The following ZBTB24 variants were observed in gnomAD, a reference collection of about 807,000 sequenced individuals.
ZBTB24 encodes the protein zinc finger and BTB domain-containing protein 24.
ZBTB24 carries 32 observed loss-of-function variants against 53.8 expected under a neutral mutation model. That is an observed-to-expected ratio of 0.60 (90% CI 0.45 to 0.80). ZBTB24 has a LOEUF of 0.80. Among genes scored for constraint, ZBTB24 ranks in the 30% least tolerant of loss-of-function variants. The pLI is 0.00. For synonymous variants in ZBTB24, 297 were observed against 306.7 expected (o/e 0.97, Z 0.33); for missense variants, 722 against 837.1 (o/e 0.86, Z 1.70).
rs911116965 is a variant in ZBTB24 at position 109,465,426 on chromosome 6, G to A, written c.*425C>T. On this transcript the variant is annotated 3_prime_UTR_variant, in exon 7 of 7. Coordinates refer to ENST00000230122, the MANE Select transcript of ZBTB24 (RefSeq NM_014797.3). ...CAACTGTGTTGCCTAAGAAAAATAAGAAAATAGAACAAACCATTCTGCCCA... is the reference window on the plus strand; with the variant it reads ...CAACTGTGTTGCCTAAGAAAAATAAAAAAATAGAACAAACCATTCTGCCCA... 5.5e-6 allele frequency: 3 copies of A among 549,682 alleles called. No homozygotes were observed. The highest frequency in any genetic ancestry group is 9.6e-6 in the Non-Finnish European group (3 of 312,572). 34.1% of individuals were successfully genotyped at this position (549,682 alleles called of 1,614,324 possible).
rs759148236 is a variant in ZBTB24, at chr6:109,481,281, C to T, written c.746G>A (p.Ser249Asn). 1 of 1,614,246 alleles carries T rather than the reference C, an allele frequency of 6.2e-7. No homozygotes were observed. Among genetic ancestry groups the T allele is most frequent in the Non-Finnish European group, 8.5e-7 (1 of 1,180,044 alleles). Residue 249 changes from serine to asparagine, a missense_variant, in exon 2 of 7, where the codon AGC (serine) becomes AAC (asparagine). Physicochemically the swap from Ser to Asn is conservative, Grantham distance 46. Transcript: ENST00000230122. ...YDPKTEDGQASQSRYSKRRIW... is the reference protein window; with the variant it reads ...YDPKTEDGQANQSRYSKRRIW... Reference sequence around the variant, plus strand: ...CCTCCGCTTGCTGTATCGACTCTGGCTTGCCTGGCCATCCTCGGTCTTGGG... The same window carrying T: ...CCTCCGCTTGCTGTATCGACTCTGGTTTGCCTGGCCATCCTCGGTCTTGGG...
At position 109,481,626 on chromosome 6, in the gene ZBTB24, G is replaced by T. The variant is rs756413090; in HGVS notation, c.401C>A (p.Ser134Tyr). The stretch of plus-strand genomic sequence containing the variant: ...AGTGTTCAAAGTTGTTGGCTTTGGG[G>T]AGCTATGATTATTTTGGAAGTCTGT... ...AYTDFQNNHSSPKPTTLNTAG... is the reference protein window; with the variant it reads ...AYTDFQNNHSYPKPTTLNTAG... The change falls in exon 2 of 7, where the codon TCC becomes TAC. Residue 134 changes from serine to tyrosine, a missense_variant. Physicochemically the swap from Ser to Tyr is moderately radical, Grantham distance 144 (BLOSUM62 -2). Coordinates refer to ENST00000230122, the MANE Select transcript of ZBTB24 (RefSeq NM_014797.3). The T allele has an allele frequency of 5.0e-6, 8 of 1,614,086 alleles. No homozygotes were observed. The Admixed American group carries it at 6.7e-5, about 13-fold the overall frequency.
chr6:109,482,118 C>T, intron 1 of ZBTB24, 64 bp from the exon 2 acceptor site: 1 of 1,092,358 alleles, frequency 9.2e-7, no homozygotes, highest in East Asian at 2.5e-5. Context: ...TGCCAGCCCA[C>T]ATGAACTTCC....
chr6:109,482,805 T>C (rs1460401777), intron 1 of ZBTB24, among the ~76,000 whole-genome samples: 2 of 152,228 alleles, frequency 1.3e-5, no homozygotes, highest in African/African-American at 2.4e-5. Flanking sequence ...CCATTTCGTA[T>C]GTGGGAACCA....
At chr6:109,475,766 G>C (rs555965168) in intron 4 of ZBTB24, among the ~76,000 whole-genome samples, 28 of 152,220 alleles carry the variant, frequency 1.8e-4, no homozygotes, top group African/African-American at 6.7e-4. Context: ...AATGACACTC[G>C]TAACCCACAT....
At chr6:109,477,209 G>C (rs35146243) in intron 2 of ZBTB24, among the ~76,000 whole-genome samples, 78,735 of 152,062 alleles carry the variant, frequency 0.52, 21,442 homozygotes, top group African/African-American at 0.7. Flanking sequence ...TACCATAGCT[G>C]ACTATAGCCT....
At chr6:109,478,720 C>T (rs6911838) in intron 2 of ZBTB24, among the ~76,000 whole-genome samples, 59,353 of 151,528 alleles carry the variant, frequency 0.39, 11,718 homozygotes, top group East Asian at 0.48. Context: ...TCTCTCCACA[C>T]ATGCAGCATT....
At chr6:109,478,501 G>A (rs929284445) in intron 2 of ZBTB24, among the ~76,000 whole-genome samples, 9 of 152,106 alleles carry the variant, frequency 5.9e-5, no homozygotes, top group Non-Finnish European at 4.4e-5. Context: ...GACTCTCAGT[G>A]TGATCTGGGA....
At chr6:109,467,037 G>A (rs1447267326) in intron 6 of ZBTB24, among the ~76,000 whole-genome samples, 2 of 152,044 alleles carry the variant, frequency 1.3e-5, no homozygotes, top group Non-Finnish European at 2.9e-5. Context: ...CCAACCTGGG[G>A]ATAACTGTGT....
At position 109,465,446 on chromosome 6, in the gene ZBTB24, T is replaced by C; in HGVS notation, c.*405A>G. The C allele has an allele frequency of 1.7e-6, 1 of 587,944 alleles. No homozygotes were observed. The highest frequency in any genetic ancestry group is 3.0e-6 in the Non-Finnish European group (1 of 335,262). 36.4% of individuals were successfully genotyped at this position (587,944 alleles called of 1,614,324 possible). On this transcript the variant is annotated 3_prime_UTR_variant, in exon 7 of 7. Transcript: ENST00000230122. Reference sequence around the variant, plus strand: ...AATAAGAAAATAGAACAAACCATTCTGCCCAGTTCAACCAAAATGACTCCC... The same window carrying C: ...AATAAGAAAATAGAACAAACCATTCCGCCCAGTTCAACCAAAATGACTCCC...
At chr6:109,470,765 T>C (rs897737983) in intron 5 of ZBTB24, among the ~76,000 whole-genome samples, 1 of 152,258 alleles carries the variant, frequency 6.6e-6, no homozygotes, top group Non-Finnish European at 1.5e-5. Context: ...ATATTAAAAC[T>C]GCTCCACTAT....
chr6:109,480,838 C>T, intron 2 of ZBTB24: 2 of 692,566 alleles, frequency 2.9e-6, no homozygotes, highest in South Asian at 6.5e-5. Flanking sequence ...CATCTGTAAA[C>T]TATGCACTTT....
Position 109,465,360 on chromosome 6 carries a change from T to C in ZBTB24, c.*491A>G, listed in dbSNP as rs958705124. 2.0e-5 allele frequency: 8 copies of C among 409,008 alleles called. No individual in the cohort carries two copies. Among genetic ancestry groups the C allele is most frequent in the African/African-American group, 1.4e-4 (7 of 49,536 alleles). The allele number at this position is 409,008 out of a possible 1,614,324, so 25.3% of individuals were successfully genotyped here. ...ATTAAAAGGGCAAATTCCCCATACA[T>C]TGTGATCTGTCATATTTAGCCCTGA... On this transcript the variant is annotated 3_prime_UTR_variant, in exon 7 of 7. Coordinates refer to ENST00000230122, the MANE Select transcript of ZBTB24 (RefSeq NM_014797.3).
chr6:109,475,364 C>T lies in ZBTB24; in HGVS notation c.1288+35G>A, dbSNP rs2232444. On this transcript the variant is annotated intron_variant, in intron 5 of 6. Coordinates refer to ENST00000230122, the MANE Select transcript of ZBTB24 (RefSeq NM_014797.3). ...ATTCTTCACTCTCCTGAAAACATCC[C>T]GTGTACTGGGGGGACAGACGAGATG... The T allele has an allele frequency of 1.3e-3, 2,034 of 1,612,684 alleles. 23 individuals carry two copies. In the African/African-American group the frequency reaches 0.025, roughly 20 times the overall value.
At chr6:109,470,063 T>C (rs1239715162) in intron 5 of ZBTB24, among the ~76,000 whole-genome samples, 1 of 152,106 alleles carries the variant, frequency 6.6e-6, no homozygotes, top group Admixed American at 6.6e-5. Context: ...GGAGGACCTC[T>C]AACAGGCTAT....
chr6:109,474,213 T>C (rs547664060), intron 5 of ZBTB24, among the ~76,000 whole-genome samples: 9 of 152,330 alleles, frequency 5.9e-5, no homozygotes, highest in Non-Finnish European at 1.2e-4. Context: ...ATAGGCTTAT[T>C]TTTAACATAC....
intron 2 of ZBTB24, among the ~76,000 whole-genome samples, chr6:109,479,740 C>A (rs1203758130): frequency 9.9e-5 from 15 of 152,118 alleles, no homozygotes; most frequent in Non-Finnish European, 1.3e-4. Flanking sequence ...CATGGTGAAA[C>A]CCCGTCTCTA....
At chr6:109,471,292 T>C (rs551775320) in intron 5 of ZBTB24, among the ~76,000 whole-genome samples, 3 of 152,356 alleles carry the variant, frequency 2.0e-5, no homozygotes, top group Admixed American at 6.5e-5. Flanking sequence ...CTGCTGTGGC[T>C]CTGACCACGC....
chr6:109,474,732 CAA>C (rs538851873), intron 5 of ZBTB24, among the ~76,000 whole-genome samples: 7 of 105,580 alleles, frequency 6.6e-5, no homozygotes, highest in Admixed American at 1.0e-4. Context: ...GACTCCGTCT[CAA>C]AAAAAAAAAA....
Sources: allele counts gnomAD v4.1 joint callset (sites outside exome capture counted in the v4.1 genomes callset), GRCh38; gene constraint gnomAD v4.1.1; transcripts MANE v1.5; gene names NCBI Gene and HGNC (gene_info 2026-07-23, HGNC 2026-07-21).